RORB: variants seen among roughly 807,000 people sequenced by gnomAD.
RORB encodes RAR related orphan receptor B.
In RORB, 6 loss-of-function variants were observed where a neutral mutation model predicts 59.1. The observed-to-expected ratio is 0.10, with a 90% CI of 0.06 to 0.20. RORB has a LOEUF of 0.20. RORB is among the 10% of genes least tolerant of loss of function. RORB has a pLI of 1.00. For synonymous variants in RORB, 215 were observed against 204.5 expected, an observed-to-expected ratio of 1.05 and a Z score of -0.44; for missense variants, 320 against 560.5, an observed-to-expected ratio of 0.57 and a Z score of 4.33.
intron 1 of RORB, among the ~76,000 whole-genome samples, chr9:74,563,342 C>T (rs757352151): frequency 1.6e-4 from 24 of 152,024 alleles, no homozygotes; most frequent in Admixed American, 5.9e-4. Context: ...CCTGCCACCA[C>T]GCCTGACTAA....
intron 9 of RORB, among the ~76,000 whole-genome samples, chr9:74,681,296 T>C (rs1024773640): frequency 3.9e-5 from 6 of 152,128 alleles, no homozygotes; most frequent in African/African-American, 1.2e-4. Context: ...GAGCAATAAG[T>C]GATTGCCTGC....
At position 74,551,666 on chromosome 9, in the gene RORB, T is replaced by C. The variant is rs149421677; in HGVS notation, c.7+53683T>C. 8.1e-3 allele frequency among the ~76,000 whole-genome samples: 1,235 copies of C among 152,314 alleles called. 10 individuals carry two copies. Among genetic ancestry groups the C allele is most frequent in the Non-Finnish European group, 0.013 (899 of 68,014 alleles). ...AAATTAATTTAGGGATCCCAAGTTA[T>C]ACAATATAATTAGAGACTTAACAGT... On this transcript the variant is annotated intron_variant, in intron 1 of 9. Transcript: ENST00000376896.
intron 1 of RORB, among the ~76,000 whole-genome samples, chr9:74,609,397 C>G (rs1056717707): frequency 2.0e-5 from 3 of 152,114 alleles, no homozygotes; most frequent in Non-Finnish European, 4.4e-5. Context: ...GTTGGTCATT[C>G]TGATTCTCAA....
chr9:74,544,900 G>C (rs79026781), intron 1 of RORB, among the ~76,000 whole-genome samples: 2,511 of 152,260 alleles, frequency 0.016, 65 homozygotes, highest in African/African-American at 0.057. Flanking sequence ...TTTGCATTCA[G>C]CATGGCCACT....
At chr9:74,515,829 T>A (rs1420113100) in intron 1 of RORB, among the ~76,000 whole-genome samples, 1 of 152,098 alleles carries the variant, frequency 6.6e-6, no homozygotes, top group Non-Finnish European at 1.5e-5. Context: ...TAGGAAGAAC[T>A]CTGTGAGAAG....
chr9:74,620,685 T>C (rs951726277), intron 1 of RORB, among the ~76,000 whole-genome samples: 1 of 152,232 alleles, frequency 6.6e-6, no homozygotes, highest in Non-Finnish European at 1.5e-5. Flanking sequence ...GGGCATTTAG[T>C]GCTATAAATT....
rs541548218 is a variant in RORB at position 74,497,732 on chromosome 9, A to AAAAC, written c.-226_-223dup. 80 of 492,526 alleles carry AAAAC rather than the reference A, an allele frequency of 1.6e-4. No individual in the cohort carries two copies. Among genetic ancestry groups the AAAAC allele is most frequent in the South Asian group, 1.2e-3 (29 of 25,180 alleles). The allele number at this position is 492,526 out of a possible 1,614,324, so 30.5% of individuals were successfully genotyped here. A position where few individuals can be genotyped will look rare whatever the true frequency, so the allele number is the denominator to read the frequency against. ...GAACATTTTTTTTTCACCCTTCCTG[A>AAAAC]AAACAAACAAACAAACAAACAATCA... is the stretch of plus-strand genomic sequence containing the variant. On this transcript the variant is annotated 5_prime_UTR_variant, in exon 1 of 10. Transcript: ENST00000376896.
intron 1 of RORB, among the ~76,000 whole-genome samples, chr9:74,557,136 C>A (rs1027729512): frequency 6.6e-6 from 1 of 152,152 alleles, no homozygotes; most frequent in Admixed American, 6.5e-5. Context: ...TCCCCATTAT[C>A]AGATTGAATC....
At chr9:74,673,344 A>G (rs1824380276) in intron 9 of RORB, among the ~76,000 whole-genome samples, 1 of 152,144 alleles carries the variant, frequency 6.6e-6, no homozygotes, top group Non-Finnish European at 1.5e-5. Flanking sequence ...TTACCATCCT[A>G]AAATTAGTCT....
chr9:74,631,105 G>A lies in RORB; in HGVS notation c.93+738G>A, dbSNP rs528642418. On this transcript the variant is annotated intron_variant, in intron 2 of 9. Coordinates refer to ENST00000376896, the MANE Select transcript of RORB (RefSeq NM_006914.4). Reference sequence around the variant, plus strand: ...TCCTTCCCGTGGCAAACTAATTACTGTGAGCAAGCTGCTTTCTTAAATAAA... The same window carrying A: ...TCCTTCCCGTGGCAAACTAATTACTATGAGCAAGCTGCTTTCTTAAATAAA... Among the ~76,000 whole-genome samples, 3 of 152,274 alleles carry A rather than the reference G, an allele frequency of 2.0e-5. No homozygotes were observed. The South Asian group carries it at 6.2e-4, about 32-fold the overall frequency.
At chr9:74,598,922 C>T (rs911121174) in intron 1 of RORB, among the ~76,000 whole-genome samples, 1 of 152,114 alleles carries the variant, frequency 6.6e-6, no homozygotes, top group Non-Finnish European at 1.5e-5. Context: ...AAAGAGAGGA[C>T]CAAACCAGAA....
intron 9 of RORB, among the ~76,000 whole-genome samples, chr9:74,674,555 C>T (rs1321910284): frequency 6.6e-6 from 1 of 152,122 alleles, no homozygotes; most frequent in East Asian, 1.9e-4. Flanking sequence ...CTTCATCTTG[C>T]AAGGGCAATC....
Position 74,497,527 on chromosome 9 carries a change from C to CTAACAAAAA in RORB, c.-442_-441insATAACAAAA. ...TGTTCCTTCTCCCTCTTCTTTGTAA[C>CTAACAAAAA]TAACAAAACCACCACCAACTCCTCC... is the stretch of plus-strand genomic sequence containing the variant. On this transcript the variant is annotated 5_prime_UTR_variant, in exon 1 of 10. Transcript: ENST00000376896. 5.3e-6 allele frequency: 1 copy of CTAACAAAAA among 190,342 alleles called. No homozygotes were observed. Among genetic ancestry groups the CTAACAAAAA allele is most frequent in the African/African-American group, 2.3e-5 (1 of 42,946 alleles). The allele number at this position is 190,342 out of a possible 1,614,324, so 11.8% of individuals were successfully genotyped here.
rs1336027562 is a variant in RORB, at chr9:74,685,843, A to G, written c.*225A>G. On this transcript the variant is annotated 3_prime_UTR_variant, in exon 10 of 10. Coordinates refer to ENST00000376896, the MANE Select transcript of RORB (RefSeq NM_006914.4). ...TTGAAATGACCATAAATATACAAAT[A>G]TAGGACACTGGGTGTTATCCTTTTT... The G allele has an allele frequency of 2.3e-5, 8 of 341,012 alleles. No homozygotes were observed. Among genetic ancestry groups the G allele is most frequent in the Non-Finnish European group, 3.2e-5 (6 of 189,790 alleles). The allele number at this position is 341,012 out of a possible 1,614,324, so 21.1% of individuals were successfully genotyped here.
intron 1 of RORB, among the ~76,000 whole-genome samples, chr9:74,550,462 T>C (rs934288342): frequency 6.6e-6 from 1 of 152,232 alleles, no homozygotes; most frequent in African/African-American, 2.4e-5. Context: ...TTGAAAGCTC[T>C]ACAAGTGGTC....
intron 2 of RORB, among the ~76,000 whole-genome samples, chr9:74,632,629 C>T (rs749068277): frequency 2.0e-5 from 3 of 152,092 alleles, no homozygotes; most frequent in Admixed American, 6.6e-5. Context: ...AGAAACGAGT[C>T]GTAATTAATG....
intron 9 of RORB, among the ~76,000 whole-genome samples, chr9:74,679,061 A>AC (rs796899546): frequency 1.5e-3 from 233 of 151,584 alleles, no homozygotes; most frequent in African/African-American, 4.8e-3. Flanking sequence ...AAACAAACAA[A>AC]AAAAAAAACA....
At chr9:74,593,468 A>T (rs1822930231) in intron 1 of RORB, among the ~76,000 whole-genome samples, 1 of 20,064 alleles carries the variant, frequency 5.0e-5, no homozygotes. Flanking sequence ...ACTCCATCTA[A>T]AAAAAAAAAA....
intron 1 of RORB, among the ~76,000 whole-genome samples, chr9:74,607,962 A>G (rs547093016): frequency 1.6e-4 from 25 of 152,268 alleles, no homozygotes; most frequent in African/African-American, 5.8e-4. Context: ...AGAATGCGAC[A>G]GGGGTACTTG....
Sources: allele counts gnomAD v4.1 joint callset (sites outside exome capture counted in the v4.1 genomes callset), GRCh38; gene constraint gnomAD v4.1.1; transcripts MANE v1.5; gene names NCBI Gene and HGNC (gene_info 2026-07-23, HGNC 2026-07-21).